The following GRID2 variants were observed in gnomAD, a reference collection of about 807,000 sequenced individuals.
GRID2 encodes the protein glutamate ionotropic receptor delta type subunit 2, also known as glutamate receptor ionotropic, delta-2.
GRID2 carries 33 observed loss-of-function variants against 114.8 expected under a neutral mutation model. The ratio of observed to expected loss-of-function variants is 0.29; its 90% CI spans 0.22 to 0.38. The LOEUF is 0.38. Among genes scored for constraint, GRID2 ranks in the 10% least tolerant of loss-of-function variants. The pLI is 1.00. For missense variants in GRID2, 1,184 were observed against 1,257.7 expected (o/e 0.94, Z 0.89); for synonymous variants, 505 against 449.9 (o/e 1.12, Z -1.55).
intron 1 of GRID2, among the ~76,000 whole-genome samples, chr4:92,568,722 C>G (rs1033319771): frequency 6.6e-6 from 1 of 151,992 alleles, no homozygotes; most frequent in Non-Finnish European, 1.5e-5. Flanking sequence ...TCTCCCTCTT[C>G]CCACCTTCAC....
chr4:93,515,126 T>G, intron 12 of GRID2, 90 bp from the exon 13 acceptor site: 1 of 507,288 alleles, frequency 2.0e-6, no homozygotes, highest in Non-Finnish European at 3.4e-6. Context: ...TTTCCACACA[T>G]ATTGCCTTTT....
chr4:92,575,709 C>G (rs1167382891), intron 1 of GRID2, among the ~76,000 whole-genome samples: 1 of 152,146 alleles, frequency 6.6e-6, no homozygotes, highest in Non-Finnish European at 1.5e-5. Flanking sequence ...CTGAACCCTC[C>G]TGTAGGAGGT....
At chr4:93,023,305 G>GA (rs541656926) in intron 2 of GRID2, among the ~76,000 whole-genome samples, 70 of 151,318 alleles carry the variant, frequency 4.6e-4, no homozygotes, top group African/African-American at 1.6e-3. Context: ...ATTATTCCAA[G>GA]AAAAAAAATC....
At chr4:93,230,690 C>CT (rs1746026972) in intron 7 of GRID2, among the ~76,000 whole-genome samples, 2 of 152,054 alleles carry the variant, frequency 1.3e-5, no homozygotes, top group South Asian at 4.1e-4. Context: ...AATTTGGTGT[C>CT]TGTGTACTTT....
intron 13 of GRID2, among the ~76,000 whole-genome samples, chr4:93,606,589 A>G (rs1049358580): frequency 1.3e-5 from 2 of 152,194 alleles, no homozygotes; most frequent in African/African-American, 4.8e-5. Context: ...AGTGGTTGGG[A>G]AAGGGAAATA....
At chr4:93,273,179 T>C (rs990168736) in intron 8 of GRID2, among the ~76,000 whole-genome samples, 1 of 152,232 alleles carries the variant, frequency 6.6e-6, no homozygotes, top group African/African-American at 2.4e-5. Context: ...GCAGGATCTT[T>C]CTCTATTTTA....
chr4:92,464,334 A>G (rs1300270413), intron 1 of GRID2, among the ~76,000 whole-genome samples: 7 of 151,966 alleles, frequency 4.6e-5, no homozygotes, highest in Non-Finnish European at 1.0e-4. Flanking sequence ...CCTAACCCCA[A>G]TTCAAATAAA....
At chr4:93,633,285 A>G (rs932491792) in intron 14 of GRID2, among the ~76,000 whole-genome samples, 2 of 151,916 alleles carry the variant, frequency 1.3e-5, no homozygotes, top group Admixed American at 1.3e-4. Flanking sequence ...GTATTAGAAT[A>G]TTTAGTGCTT....
intron 2 of GRID2, among the ~76,000 whole-genome samples, chr4:92,902,758 C>T (rs533772393): frequency 2.0e-5 from 3 of 152,088 alleles, no homozygotes; most frequent in Non-Finnish European, 4.4e-5. Context: ...GTAATTCTCC[C>T]AACATATGTT....
intron 1 of GRID2, among the ~76,000 whole-genome samples, chr4:92,576,101 G>A (rs931694407): frequency 1.3e-5 from 2 of 152,170 alleles, no homozygotes; most frequent in African/African-American, 2.4e-5. Flanking sequence ...TTGCCCGAGG[G>A]CACTCTGTAC....
At chr4:93,267,261 T>A (rs1347174913) in intron 8 of GRID2, among the ~76,000 whole-genome samples, 1 of 152,048 alleles carries the variant, frequency 6.6e-6, no homozygotes, top group Admixed American at 6.6e-5. Context: ...TATGTATACA[T>A]GTGCCATGCT....
chr4:93,660,860 C>G (rs1337938245), intron 14 of GRID2, among the ~76,000 whole-genome samples: 2 of 152,084 alleles, frequency 1.3e-5, no homozygotes, highest in African/African-American at 4.8e-5. Context: ...ATGGATCCTG[C>G]TCACAGAGGG....
intron 2 of GRID2, among the ~76,000 whole-genome samples, chr4:92,651,175 T>G (rs1205433624): frequency 6.6e-6 from 1 of 152,054 alleles, no homozygotes. Context: ...GTATCCAGAA[T>G]AAATGTCTAT....
intron 1 of GRID2, among the ~76,000 whole-genome samples, chr4:92,316,559 T>TGG (rs1215170457): frequency 6.6e-6 from 1 of 152,172 alleles, no homozygotes; most frequent in Non-Finnish European, 1.5e-5. Flanking sequence ...ACCTATTGTG[T>TGG]GGTTATAAGA....
Position 93,773,662 on chromosome 4 carries a change from A to G in GRID2, c.*1164A>G, listed in dbSNP as rs1289870811. 1 of 152,130 alleles carries G rather than the reference A, an allele frequency of 6.6e-6. No individual in the cohort carries two copies. The highest frequency in any genetic ancestry group is 2.4e-5 in the African/African-American group (1 of 41,436). 9.4% of individuals were successfully genotyped at this position (152,130 alleles called of 1,614,324 possible). On this transcript the variant is annotated 3_prime_UTR_variant, in exon 16 of 16. Coordinates refer to ENST00000282020, the MANE Select transcript of GRID2 (RefSeq NM_001510.4). ...TTGAAGGTTAAAAATCCTCTTCCAA[A>G]GCAGCAAGTCAATCAATACAATAAT...
chr4:92,919,527 G>A (rs977423039), intron 2 of GRID2, among the ~76,000 whole-genome samples: 1 of 152,166 alleles, frequency 6.6e-6, no homozygotes, highest in Admixed American at 6.5e-5. Context: ...CTTTGAATGT[G>A]TCCCAGAGAT....
At chr4:92,387,819 T>C (rs1257158979) in intron 1 of GRID2, among the ~76,000 whole-genome samples, 2 of 152,016 alleles carry the variant, frequency 1.3e-5, no homozygotes, top group African/African-American at 4.8e-5. Context: ...AAATAAAAAT[T>C]CCATTCCCTA....
chr4:92,558,201 G>A (rs1421867625), intron 1 of GRID2, among the ~76,000 whole-genome samples: 1 of 152,082 alleles, frequency 6.6e-6, no homozygotes, highest in Non-Finnish European at 1.5e-5. Flanking sequence ...ACTTAGATGG[G>A]GAGTTTGGAA....
chr4:92,859,151 T>C (rs1315188672), intron 2 of GRID2, among the ~76,000 whole-genome samples: 1 of 152,146 alleles, frequency 6.6e-6, no homozygotes, highest in Non-Finnish European at 1.5e-5. Flanking sequence ...AAAAATTGCC[T>C]CAGCCCCCCA....
Sources: allele counts gnomAD v4.1 joint callset (sites outside exome capture counted in the v4.1 genomes callset), GRCh38; gene constraint gnomAD v4.1.1; transcripts MANE v1.5; gene names NCBI Gene and HGNC (gene_info 2026-07-23, HGNC 2026-07-21).